MTDH: variants seen among roughly 807,000 people sequenced by gnomAD.
The protein encoded by MTDH is protein LYRIC.
MTDH carries 34 observed loss-of-function variants against 72.7 expected under a neutral mutation model. The observed-to-expected ratio is 0.47, with a 90% CI of 0.36 to 0.62. The LOEUF is 0.62. MTDH is among the 20% of genes least tolerant of loss of function. MTDH has a pLI of 0.00. For missense variants in MTDH, 677 were observed against 699.4 expected, an observed-to-expected ratio of 0.97 and a Z score of 0.36; for synonymous variants, 266 against 268.9, an observed-to-expected ratio of 0.99 and a Z score of 0.10.
intron 1 of MTDH, among the ~76,000 whole-genome samples, chr8:97,649,372 G>T (rs867342339): frequency 6.6e-6 from 1 of 151,942 alleles, no homozygotes; most frequent in Non-Finnish European, 1.5e-5. Context: ...CTACCCACTC[G>T]TGTGAGTAGA....
intron 2 of MTDH, among the ~76,000 whole-genome samples, chr8:97,673,596 G>A (rs1287473485): frequency 1.3e-5 from 2 of 151,484 alleles, no homozygotes; most frequent in East Asian, 3.9e-4. Flanking sequence ...GGAGGTGGAG[G>A]TTGCAGTGAG....
chr8:97,710,195 A>G (rs1041174847), intron 8 of MTDH, among the ~76,000 whole-genome samples: 1 of 152,092 alleles, frequency 6.6e-6, no homozygotes, highest in Non-Finnish European at 1.5e-5. Flanking sequence ...ATCTGCTTGT[A>G]ATTTCTGTAA....
At chr8:97,689,231 AG>A (rs1366802798) in intron 5 of MTDH, 128 bp downstream of exon 5, 4 of 502,008 alleles carry the variant, frequency 8.0e-6, no homozygotes, top group East Asian at 6.4e-5. Context: ...TAATTAATAA[AG>A]TAACATAATC....
chr8:97,710,012 A>G (rs1814553409), intron 8 of MTDH, among the ~76,000 whole-genome samples: 1 of 152,172 alleles, frequency 6.6e-6, no homozygotes, highest in South Asian at 2.1e-4. Context: ...AGTCCTTGTG[A>G]CCTGAGTATC....
intron 2 of MTDH, among the ~76,000 whole-genome samples, chr8:97,670,511 C>G (rs531166802): frequency 6.6e-6 from 1 of 152,076 alleles, no homozygotes; most frequent in African/African-American, 2.4e-5. Context: ...ATAATCCCAG[C>G]CACTTGGGAG....
intron 2 of MTDH, among the ~76,000 whole-genome samples, chr8:97,667,055 A>G (rs368287112): frequency 4.0e-5 from 6 of 151,640 alleles, no homozygotes; most frequent in Admixed American, 2.6e-4. Context: ...GCAGTGGCAC[A>G]GTCATGCTCA....
At position 97,644,420 on chromosome 8, in the gene MTDH, G is replaced by A; in HGVS notation, c.-87G>A. The A allele has an allele frequency of 6.8e-7, 1 of 1,479,114 alleles. No individual in the cohort carries two copies. The highest frequency in any genetic ancestry group is 8.9e-7 in the Non-Finnish European group (1 of 1,119,516). 91.6% of individuals were successfully genotyped at this position (1,479,114 alleles called of 1,614,324 possible). A position where few individuals can be genotyped will look rare whatever the true frequency, so the allele number is the denominator to read the frequency against. ...GATGCGCTCGGCCTGAGGTTACCCG[G>A]CCCGGCCCTTCCTCGCTTCCCTCGA... On this transcript the variant is annotated 5_prime_UTR_variant, in exon 1 of 12. Coordinates refer to ENST00000336273, the MANE Select transcript of MTDH (RefSeq NM_178812.4).
In MTDH at chr8:97,728,908, C is replaced by CCT. The variant is rs1815455198; in HGVS notation, c.*4238_*4239insCT. ...GTTCCTCCCCATTCTCAACCTGTAG[C>CCT]TTTTTTTTTTTTTCTTTTAATGAGA... is the stretch of plus-strand genomic sequence containing the variant. On this transcript the variant is annotated 3_prime_UTR_variant, in exon 12 of 12. Coordinates refer to ENST00000336273, the MANE Select transcript of MTDH (RefSeq NM_178812.4). 2.1e-5 allele frequency: 3 copies of CCT among 144,048 alleles called. No individual in the cohort carries two copies. The East Asian group carries it at 6.1e-4, about 29-fold the overall frequency. 8.9% of individuals were successfully genotyped at this position (144,048 alleles called of 1,614,324 possible). A position where few individuals can be genotyped will look rare whatever the true frequency, so the allele number is the denominator to read the frequency against.
chr8:97,679,045 GC>G (rs1468610742), intron 2 of MTDH, among the ~76,000 whole-genome samples: 2 of 152,108 alleles, frequency 1.3e-5, no homozygotes, highest in African/African-American at 4.8e-5. Flanking sequence ...CAGAAAAATA[GC>G]CTAACAGCCC....
chr8:97,652,361 C>T (rs932635954), intron 1 of MTDH, among the ~76,000 whole-genome samples: 1 of 152,182 alleles, frequency 6.6e-6, no homozygotes, highest in African/African-American at 2.4e-5. Flanking sequence ...CAATCTTTCC[C>T]CCACTATTCT....
chr8:97,689,050 TA>T lies in MTDH; in HGVS notation c.761del (p.Asn254MetfsTer22). On this transcript the variant is annotated frameshift_variant, in exon 5 of 12. Transcript: ENST00000336273. LOFTEE classifies it high-confidence loss of function. ...GSKKNKGDSH[L>X]NVQVSNFKSG... The stretch of plus-strand genomic sequence containing the variant: ...CTATTTTAACCAGGTGATTCTCATC[TA>T]AATGTTCAAGTTAGCAACTTTAAAT... 1 of 1,574,450 alleles carries T rather than the reference TA, an allele frequency of 6.4e-7. No homozygotes were observed.
chr8:97,677,321 G>A (rs36109038), intron 2 of MTDH, among the ~76,000 whole-genome samples: 14,037 of 150,254 alleles, frequency 0.093, 919 homozygotes, highest in East Asian at 0.25. Flanking sequence ...GTGAAACCCC[G>A]TCTCTACTAA....
chr8:97,701,616 G>T (rs1814134712), intron 7 of MTDH, among the ~76,000 whole-genome samples: 2 of 152,090 alleles, frequency 1.3e-5, no homozygotes, highest in Admixed American at 6.6e-5. Flanking sequence ...GCTTTAGGAA[G>T]AATTATCAGC....
At chr8:97,693,494 C>G (rs746012043) in intron 6 of MTDH, among the ~76,000 whole-genome samples, 4 of 152,048 alleles carry the variant, frequency 2.6e-5, no homozygotes, top group African/African-American at 9.7e-5. Context: ...TCACCACAAC[C>G]GGCTAATTTT....
At chr8:97,672,395 A>G (rs1812660054) in intron 2 of MTDH, among the ~76,000 whole-genome samples, 1 of 152,296 alleles carries the variant, frequency 6.6e-6, no homozygotes, top group South Asian at 2.1e-4. Flanking sequence ...GCCTTGGACT[A>G]TTAACCTTTT....
At chr8:97,671,115 A>G (rs913387516) in intron 2 of MTDH, among the ~76,000 whole-genome samples, 5 of 151,350 alleles carry the variant, frequency 3.3e-5, no homozygotes, top group African/African-American at 9.7e-5. Flanking sequence ...ACAGGCGCCC[A>G]CCACCGCGCC....
In MTDH at chr8:97,727,589, G is replaced by A. The variant is rs560954932; in HGVS notation, c.*2919G>A. Reference sequence around the variant, plus strand: ...CTAGGTGGTGATTCAGGGAGGAGCAGGGGAAGACAGCCTCCTATGGTGGCA... The same window carrying A: ...CTAGGTGGTGATTCAGGGAGGAGCAAGGGAAGACAGCCTCCTATGGTGGCA... On this transcript the variant is annotated 3_prime_UTR_variant, in exon 12 of 12. Coordinates refer to ENST00000336273, the MANE Select transcript of MTDH (RefSeq NM_178812.4). 18 of 152,282 alleles carry A rather than the reference G, an allele frequency of 1.2e-4. No homozygotes were observed. The highest frequency in any genetic ancestry group is 3.9e-4 in the African/African-American group (16 of 41,548). 9.4% of individuals were successfully genotyped at this position (152,282 alleles called of 1,614,324 possible). A position where few individuals can be genotyped will look rare whatever the true frequency, so the allele number is the denominator to read the frequency against.
At chr8:97,683,866 T>C (rs1014228805) in intron 2 of MTDH, among the ~76,000 whole-genome samples, 1 of 151,984 alleles carries the variant, frequency 6.6e-6, no homozygotes, top group African/African-American at 2.4e-5. Flanking sequence ...AATCCCAGCA[T>C]TTTGGGAGGC....
intron 6 of MTDH, among the ~76,000 whole-genome samples, chr8:97,698,595 A>C (rs1813970854): frequency 1.3e-5 from 2 of 152,240 alleles, no homozygotes; most frequent in African/African-American, 4.8e-5. Flanking sequence ...ACTTGAACTT[A>C]GTCTCTAGAC....
Sources: allele counts gnomAD v4.1 joint callset (sites outside exome capture counted in the v4.1 genomes callset), GRCh38; gene constraint gnomAD v4.1.1; transcripts MANE v1.5; gene names NCBI Gene and HGNC (gene_info 2026-07-23, HGNC 2026-07-21).